BMP8B: variants seen among roughly 807,000 people sequenced by gnomAD.
The protein encoded by BMP8B is bone morphogenetic protein 8 (osteogenic protein 2).
Under a neutral mutation model 30.3 loss-of-function variants are expected in BMP8B, and 17 were observed. The ratio of observed to expected loss-of-function variants is 0.56; its 90% CI spans 0.38 to 0.84. The LOEUF (loss-of-function observed/expected upper bound fraction) is 0.84, where lower values mean the gene tolerates loss of function less well. BMP8B is among the 40% of genes least tolerant of loss of function. The pLI, the probability that BMP8B is intolerant of heterozygous loss-of-function variation, is 0.00. For missense variants in BMP8B, 253 were observed against 494.6 expected, an observed-to-expected ratio of 0.51 and a Z score of 4.63; for synonymous variants, 131 against 214.7, an observed-to-expected ratio of 0.61 and a Z score of 3.41.
chr1:39,763,257 G>A (rs1193561718), intron 5 of BMP8B, 55 bp from the exon 6 acceptor site: 9 of 1,516,420 alleles, frequency 5.9e-6, no homozygotes, highest in Non-Finnish European at 8.1e-6. Context: ...CTGAGCCTCA[G>A]GGCCCAAACC....
chr1:39,779,378 A>C (rs74069153), intron 1 of BMP8B, among the ~76,000 whole-genome samples: 1 of 151,338 alleles, frequency 6.6e-6, no homozygotes, highest in African/African-American at 2.4e-5. Context: ...ATTTCCTGCC[A>C]CTCAGGGGCT....
intron 1 of BMP8B, among the ~76,000 whole-genome samples, chr1:39,777,025 C>G (rs759870894): frequency 6.6e-6 from 1 of 152,080 alleles, no homozygotes; most frequent in East Asian, 1.9e-4. Flanking sequence ...TAGGGTGCTC[C>G]GTATGGCCTT....
intron 6 of BMP8B, among the ~76,000 whole-genome samples, chr1:39,761,970 G>T (rs1649049727): frequency 6.6e-6 from 1 of 152,236 alleles, no homozygotes; most frequent in Non-Finnish European, 1.5e-5. Flanking sequence ...AGGAGATGGA[G>T]TCTGGGAGCT....
Position 39,760,121 on chromosome 1 carries a change from G to A in BMP8B, c.*298C>T. On this transcript the variant is annotated 3_prime_UTR_variant, in exon 7 of 7. Coordinates refer to ENST00000372827, the MANE Select transcript of BMP8B (RefSeq NM_001720.5). ...GGATAGGACCTCAGACAGGACTTCT[G>A]TGCCAACCCCAAAGAACCAGCCAGG... 1 of 451,766 alleles carries A rather than the reference G, an allele frequency of 2.2e-6. No homozygotes were observed. Among genetic ancestry groups the A allele is most frequent in the Non-Finnish European group, 4.0e-6 (1 of 247,678 alleles). 28.0% of individuals were successfully genotyped at this position (451,766 alleles called of 1,614,324 possible). A position where few individuals can be genotyped will look rare whatever the true frequency, so the allele number is the denominator to read the frequency against.
chr1:39,762,967 G>A, intron 6 of BMP8B, 125 bp downstream of exon 6: 2 of 1,220,298 alleles, frequency 1.6e-6, no homozygotes, highest in Non-Finnish European at 1.2e-6. Flanking sequence ...GTTACTGACT[G>A]TGCAGACAAA....
rs749099151 is a variant in BMP8B at position 39,788,264 on chromosome 1, C to A, written c.222G>T (p.Pro74=). ...CGTGGTACAGGTCCAGCATGAAGAG[C>A]GGCGCGGACGCGGGCAGCCGGGAGG... is the stretch of plus-strand genomic sequence containing the variant. The part of the protein sequence containing the change: ...PAASRLPASA[P]LFMLDLYHAM... The change falls in exon 1 of 7, where the codon CCG becomes CCT. Residue 74 remains proline (P), a synonymous_variant. Coordinates refer to ENST00000372827, the MANE Select transcript of BMP8B (RefSeq NM_001720.5). The surrounding 1 kb of genome is among the most constrained non-coding windows in gnomAD (Gnocchi z 5.8). 2.5e-5 allele frequency: 35 copies of A among 1,412,544 alleles called. No individual in the cohort carries two copies. The highest frequency in any genetic ancestry group is 2.9e-5 in the Non-Finnish European group (32 of 1,090,464). The allele number at this position is 1,412,544 out of a possible 1,614,324, so 87.5% of individuals were successfully genotyped here.
rs143286225 is a variant in BMP8B at position 39,764,659 on chromosome 1, C to T, written c.832G>A (p.Glu278Lys). The change falls in exon 4 of 7, where the codon GAG (glutamate) becomes AAG (lysine). Residue 278 changes from glutamate (E) to lysine (K), a missense_variant. Glu to Lys is a moderately conservative substitution (Grantham distance 56). This residue lies in a region of BMP8B where 8 missense variants were observed against 43.1 expected (regional missense o/e 0.19). Coordinates refer to ENST00000372827, the MANE Select transcript of BMP8B (RefSeq NM_001720.5). ...GGGAGTCGGTTGGCCTGCGGCAGCT[C>T]GTTGCTTTTCTTCGGCTGCCTCCTC... is the stretch of plus-strand genomic sequence containing the variant. ...LRRRQPKKSN[E>K]LPQANRLPGI... 2.4e-4 allele frequency: 395 copies of T among 1,613,388 alleles called. 2 individuals carry two copies. In the African/African-American group the frequency reaches 3.8e-3, roughly 16 times the overall value.
Position 39,762,326 on chromosome 1 carries a change from A to G in BMP8B, c.1059+766T>C, listed in dbSNP as rs573967791. ...GTGTGCTGCGATTACAGGGTGAGCC[A>G]CCGCACCTGATCAAGGCATCACCGT... On this transcript the variant is annotated intron_variant, in intron 6 of 6. Transcript: ENST00000372827. 120 of 644,064 alleles carry G rather than the reference A, an allele frequency of 1.9e-4. 1 individual carries two copies. The African/African-American group carries it at 2.1e-3, about 11-fold the overall frequency. 39.9% of individuals were successfully genotyped at this position (644,064 alleles called of 1,614,324 possible). A position where few individuals can be genotyped will look rare whatever the true frequency, so the allele number is the denominator to read the frequency against.
At chr1:39,776,064 TG>T (rs1258577623) in intron 1 of BMP8B, among the ~76,000 whole-genome samples, 2 of 152,284 alleles carry the variant, frequency 1.3e-5, no homozygotes, top group Non-Finnish European at 2.9e-5. Context: ...GCCAGGAGCC[TG>T]GGCTGCGCCT....
rs2124406300 is a variant in BMP8B at position 39,760,086 on chromosome 1, TAA to T, written c.*331_*332del. 1 of 330,284 alleles carries T rather than the reference TAA, an allele frequency of 3.0e-6. No homozygotes were observed. The highest frequency in any genetic ancestry group is 6.7e-5 in the East Asian group (1 of 14,974). The allele number at this position is 330,284 out of a possible 1,614,324, so 20.5% of individuals were successfully genotyped here. A position where few individuals can be genotyped will look rare whatever the true frequency, so the allele number is the denominator to read the frequency against. On this transcript the variant is annotated 3_prime_UTR_variant, in exon 7 of 7. Coordinates refer to ENST00000372827, the MANE Select transcript of BMP8B (RefSeq NM_001720.5). ...ACATCTATCTCACGACCTGAGCCAG[TAA>T]GGGGCATGGATAGGACCTCAGACAG...
At chr1:39,779,742 C>A (rs1650496428) in intron 1 of BMP8B, among the ~76,000 whole-genome samples, 1 of 152,224 alleles carries the variant, frequency 6.6e-6, no homozygotes, top group Admixed American at 6.5e-5. Context: ...GTGTCAGGCA[C>A]CATGCTGGGC....
rs1369654420 is a variant in BMP8B at position 39,761,449 on chromosome 1, C to G, written c.1060-881G>C. Reference sequence around the variant, plus strand: ...ACCCCCACCCCCAATCCCAGCCTCCCCCAGCAGCCAGAGAGAGGTCCTTCT... The same window carrying G: ...ACCCCCACCCCCAATCCCAGCCTCCGCCAGCAGCCAGAGAGAGGTCCTTCT... On this transcript the variant is annotated intron_variant, in intron 6 of 6. Transcript: ENST00000372827. The G allele has an allele frequency of 2.0e-5, 3 of 152,978 alleles. No homozygotes were observed. The East Asian group carries it at 5.8e-4, about 30-fold the overall frequency. The allele number at this position is 152,978 out of a possible 1,614,324, so 9.5% of individuals were successfully genotyped here.
chr1:39,782,459 C>CTAAGT (rs3062778), intron 1 of BMP8B, among the ~76,000 whole-genome samples: 95,427 of 151,306 alleles, frequency 0.63, 30,430 homozygotes, highest in Middle Eastern at 0.76. Flanking sequence ...CAGACACTTG[C>CTAAGT]TTTGTTTTTG....
chr1:39,777,628 G>A (rs1650321562), intron 1 of BMP8B, among the ~76,000 whole-genome samples: 2 of 152,192 alleles, frequency 1.3e-5, no homozygotes, highest in Non-Finnish European at 2.9e-5. Flanking sequence ...GGGCAATTTA[G>A]TCTCACCCAG....
At chr1:39,779,184 C>T (rs1650444303) in intron 1 of BMP8B, among the ~76,000 whole-genome samples, 1 of 152,236 alleles carries the variant, frequency 6.6e-6, no homozygotes, top group Non-Finnish European at 1.5e-5. Context: ...GTGAAGCCAC[C>T]TTCCTCCAGG....
At chr1:39,780,416 C>T (rs1285314789) in intron 1 of BMP8B, among the ~76,000 whole-genome samples, 1 of 152,226 alleles carries the variant, frequency 6.6e-6, no homozygotes, top group Non-Finnish European at 1.5e-5. Context: ...TCTCCTAATC[C>T]ACGACCTCTC....
In BMP8B at chr1:39,760,449, G is replaced by C; in HGVS notation, c.1179C>G (p.Asn393Lys). ...GGCAGCCGCAGGCCTTGACCACCAT[G>C]TTGCGGTGCTTGCGCAGGATGACAT... ...SNNVILRKHR[N>K]MVVKACGCH Residue 393 changes from asparagine (N) to lysine (K), a missense_variant, in exon 7 of 7, where the codon AAC becomes AAG. Asn to Lys is a moderately conservative substitution (Grantham distance 94, BLOSUM62 0). Around this residue, in one of 7 missense-constraint regions of BMP8B, gnomAD observed 116 missense variants for 142.3 expected, o/e 0.81. Transcript: ENST00000372827. 1 of 1,614,184 alleles carries C rather than the reference G, an allele frequency of 6.2e-7. No individual in the cohort carries two copies. Among genetic ancestry groups the C allele is most frequent in the Admixed American group, 1.7e-5 (1 of 60,032 alleles).
rs751817042 is a variant in BMP8B at position 39,760,583 on chromosome 1, G to A, written c.1060-15C>T. On this transcript the variant is annotated splice_polypyrimidine_tract_variant and intron_variant, in intron 6 of 6. Transcript: ENST00000372827. ...ATCAGGTGCACCTGGCCAGGAAGAGGGCACAGGCAGGGGCATGAGCCCAGT... is the reference window on the plus strand; with the variant it reads ...ATCAGGTGCACCTGGCCAGGAAGAGAGCACAGGCAGGGGCATGAGCCCAGT... The A allele has an allele frequency of 6.8e-6, 11 of 1,611,928 alleles. No individual in the cohort carries two copies. In the East Asian group the frequency reaches 2.0e-4, roughly 29 times the overall value.
intron 1 of BMP8B, 112 bp from the exon 2 acceptor site, chr1:39,775,150 C>G (rs988748964): frequency 6.7e-7 from 1 of 1,492,972 alleles, no homozygotes; most frequent in Non-Finnish European, 9.1e-7. Context: ...GTGGAGCGGA[C>G]CCAGGGAGGC....
Sources: allele counts gnomAD v4.1 joint callset (sites outside exome capture counted in the v4.1 genomes callset), GRCh38; gene constraint gnomAD v4.1.1; regional missense constraint gnomAD v4.1.1; non-coding constraint Gnocchi (gnomAD v3.1); transcripts MANE v1.5; gene names NCBI Gene and HGNC (gene_info 2026-07-23, HGNC 2026-07-21).